HAPLN1: variants seen among roughly 807,000 people sequenced by gnomAD.
The protein encoded by HAPLN1 is hyaluronan and proteoglycan link protein 1.
A neutral mutation model predicts 36.5 loss-of-function variants in HAPLN1; 13 were observed. The ratio of observed to expected loss-of-function variants is 0.36; its 90% CI spans 0.23 to 0.57. The LOEUF (loss-of-function observed/expected upper bound fraction) is 0.57. HAPLN1 is among the 20% of genes least tolerant of loss of function. The pLI is 0.83. For missense variants in HAPLN1, 407 were observed against 439.7 expected, an observed-to-expected ratio of 0.93 and a Z score of 0.66; for synonymous variants, 202 against 169.8, an observed-to-expected ratio of 1.19 and a Z score of -1.48.
At chr5:83,677,366 C>T (rs189788553) in intron 1 of HAPLN1, among the ~76,000 whole-genome samples, 1 of 152,154 alleles carries the variant, frequency 6.6e-6, no homozygotes, top group African/African-American at 2.4e-5. Flanking sequence ...CGAGTGCTGT[C>T]GGCTCTCTCT....
intron 1 of HAPLN1, chr5:83,703,642 T>C (rs1220667977): frequency 1.3e-5 from 2 of 151,880 alleles, no homozygotes; most frequent in Non-Finnish European, 2.9e-5. Flanking sequence ...TGAGGACTTA[T>C]AAAGAAAAAA....
At chr5:83,686,574 A>T (rs974618717) in intron 1 of HAPLN1, among the ~76,000 whole-genome samples, 1 of 152,192 alleles carries the variant, frequency 6.6e-6, no homozygotes. Context: ...TTAGTGATGA[A>T]TTAATTCAGA....
At chr5:83,698,708 A>G (rs1751445037) in intron 1 of HAPLN1, among the ~76,000 whole-genome samples, 3 of 152,210 alleles carry the variant, frequency 2.0e-5, no homozygotes. Context: ...ATTGTCAAAA[A>G]TTCTATTTTA....
chr5:83,695,277 C>A (rs897381887), intron 1 of HAPLN1, among the ~76,000 whole-genome samples: 4 of 152,046 alleles, frequency 2.6e-5, no homozygotes, highest in Admixed American at 1.3e-4. Context: ...AGGCACATGC[C>A]ACCACGCCCA....
intron 2 of HAPLN1, among the ~76,000 whole-genome samples, chr5:83,668,228 A>T (rs1024424282): frequency 2.6e-5 from 4 of 152,188 alleles, no homozygotes; most frequent in Non-Finnish European, 5.9e-5. Flanking sequence ...ACATAAAAAT[A>T]AGTAGAGTAT....
At chr5:83,653,097 C>T (rs368012751) in intron 2 of HAPLN1, among the ~76,000 whole-genome samples, 1 of 152,030 alleles carries the variant, frequency 6.6e-6, no homozygotes, top group South Asian at 2.1e-4. Flanking sequence ...ATCTGAAGGT[C>T]AATGATTTCA....
intron 2 of HAPLN1, among the ~76,000 whole-genome samples, chr5:83,672,541 A>G (rs1387747755): frequency 1.3e-5 from 2 of 152,226 alleles, no homozygotes; most frequent in African/African-American, 4.8e-5. Context: ...TTCTAGACAG[A>G]TTTACACTAT....
At chr5:83,708,282 T>C (rs1195996955) in intron 1 of HAPLN1, among the ~76,000 whole-genome samples, 3 of 152,312 alleles carry the variant, frequency 2.0e-5, no homozygotes, top group East Asian at 3.9e-4. Flanking sequence ...TGCAGCTCTA[T>C]TGACAATAGC....
chr5:83,662,593 C>G (rs537902190), intron 2 of HAPLN1, among the ~76,000 whole-genome samples: 47 of 152,270 alleles, frequency 3.1e-4, no homozygotes, highest in African/African-American at 1.0e-3. Context: ...GAGTGACATT[C>G]TTAATATAAA....
At chr5:83,708,792 T>C (rs1751708546) in intron 1 of HAPLN1, among the ~76,000 whole-genome samples, 1 of 151,916 alleles carries the variant, frequency 6.6e-6, no homozygotes, top group Non-Finnish European at 1.5e-5. Flanking sequence ...TAAAAATATT[T>C]ACACTTTGAA....
chr5:83,648,149 T>C (rs1421150883), intron 3 of HAPLN1, among the ~76,000 whole-genome samples: 1 of 151,996 alleles, frequency 6.6e-6, no homozygotes, highest in Admixed American at 6.6e-5. Context: ...TTGTTGCTTG[T>C]TGCCTGCTAT....
chr5:83,684,264 A>G (rs371343176), intron 1 of HAPLN1, among the ~76,000 whole-genome samples: 3 of 152,132 alleles, frequency 2.0e-5, no homozygotes, highest in African/African-American at 7.2e-5. Flanking sequence ...TGTCATTCAA[A>G]CAATTATCCA....
intron 3 of HAPLN1, among the ~76,000 whole-genome samples, chr5:83,647,310 A>G (rs1448710032): frequency 6.6e-6 from 1 of 152,206 alleles, no homozygotes; most frequent in African/African-American, 2.4e-5. Flanking sequence ...TAAGTGTTGT[A>G]TCAGCTCAAA....
intron 3 of HAPLN1, among the ~76,000 whole-genome samples, chr5:83,649,885 A>T (rs1388166702): frequency 6.6e-6 from 1 of 152,248 alleles, no homozygotes; most frequent in East Asian, 1.9e-4. Flanking sequence ...TGTTCTTGGC[A>T]CTTGAATGTC....
chr5:83,684,694 T>G (rs1751080941), intron 1 of HAPLN1, among the ~76,000 whole-genome samples: 1 of 152,098 alleles, frequency 6.6e-6, no homozygotes, highest in African/African-American at 2.4e-5. Context: ...GTAGAGTGGC[T>G]GGAGGTGAGA....
chr5:83,689,079 G>T (rs1751210194), intron 1 of HAPLN1, among the ~76,000 whole-genome samples: 1 of 152,104 alleles, frequency 6.6e-6, no homozygotes, highest in Non-Finnish European at 1.5e-5. Context: ...CCTACAATAG[G>T]TGCATAGTCT....
rs569077380 is a variant in HAPLN1 at position 83,699,829 on chromosome 5, G to T, written c.-27+20960C>A. Among the ~76,000 whole-genome samples, 198 of 152,298 alleles carry T rather than the reference G, an allele frequency of 1.3e-3. 1 individual carries two copies. Among genetic ancestry groups the T allele is most frequent in the African/African-American group, 4.3e-3 (177 of 41,560 alleles). ...AATTATACTATTGATAACAATAGGA[G>T]CATGAAGCAAACAACACTTCTATTT... On this transcript the variant is annotated intron_variant, in intron 1 of 4. Coordinates refer to ENST00000274341, the MANE Select transcript of HAPLN1 (RefSeq NM_001884.4).
intron 2 of HAPLN1, among the ~76,000 whole-genome samples, chr5:83,660,334 C>A (rs563816632): frequency 6.6e-6 from 1 of 152,124 alleles, no homozygotes; most frequent in Non-Finnish European, 1.5e-5. Context: ...AAGATAAATT[C>A]TATCACTATT....
chr5:83,715,528 A>G (rs1372406288), intron 1 of HAPLN1, among the ~76,000 whole-genome samples: 1 of 152,234 alleles, frequency 6.6e-6, no homozygotes, highest in African/African-American at 2.4e-5. Flanking sequence ...CCTTGAGCCA[A>G]TTACTATGCA....
Sources: gnomAD v4.1 joint callset for allele counts (sites outside exome capture counted in the v4.1 genomes callset) on GRCh38, gnomAD v4.1.1 for gene constraint, MANE v1.5 for transcripts, NCBI Gene and HGNC (gene_info 2026-07-23, HGNC 2026-07-21) for gene names.